Variants in PCDH9 observed in about 807,000 individuals in gnomAD.
PCDH9 encodes the protein protocadherin 9, also known as protocadherin-9.
Under a neutral mutation model 70.6 loss-of-function variants are expected in PCDH9, and 24 were observed. The observed-to-expected ratio is 0.34, with a 90% CI of 0.25 to 0.48. The LOEUF (loss-of-function observed/expected upper bound fraction) is 0.48, where lower values mean the gene tolerates loss of function less well. Among genes scored for constraint, PCDH9 ranks in the 20% least tolerant of loss-of-function variants. The probability of loss-of-function intolerance (pLI) is 0.99; values close to 1 mark genes in which losing one functional copy is unlikely to be tolerated. For synonymous variants in PCDH9, 562 were observed against 558.5 expected, an observed-to-expected ratio of 1.01 and a Z score of -0.09; for missense variants, 1,281 against 1,503.6, an observed-to-expected ratio of 0.85 and a Z score of 2.45.
chr13:66,614,604 C>T (rs568102087), intron 4 of PCDH9, among the ~76,000 whole-genome samples: 5 of 152,216 alleles, frequency 3.3e-5, no homozygotes, highest in Admixed American at 2.0e-4. Flanking sequence ...AATTGTCTTC[C>T]CCGGAAGCAG....
chr13:66,794,473 TCAGTGC>T (rs2080208681), intron 3 of PCDH9, among the ~76,000 whole-genome samples: 1 of 152,208 alleles, frequency 6.6e-6, no homozygotes, highest in Admixed American at 6.5e-5. Flanking sequence ...TCTTTTTACT[TCAGTGC>T]CAGAAGCGTT....
intron 2 of PCDH9, among the ~76,000 whole-genome samples, chr13:66,918,651 T>A (rs997231184): frequency 6.6e-6 from 1 of 151,188 alleles, no homozygotes; most frequent in Admixed American, 6.6e-5. Context: ...AAGTAGAGTA[T>A]GTACTCATAA....
At chr13:66,869,111 C>T (rs1594179088) in intron 3 of PCDH9, among the ~76,000 whole-genome samples, 1 of 152,100 alleles carries the variant, frequency 6.6e-6, no homozygotes, top group Non-Finnish European at 1.5e-5. Context: ...AGTATCTTTT[C>T]TCAGTCAGTC....
intron 2 of PCDH9, among the ~76,000 whole-genome samples, chr13:67,027,880 T>C (rs961723612): frequency 1.4e-4 from 21 of 151,738 alleles, no homozygotes; most frequent in South Asian, 4.2e-4. Context: ...TACCATCTCA[T>C]ACCAGTTAGA....
intron 3 of PCDH9, among the ~76,000 whole-genome samples, chr13:66,701,593 G>T (rs536715114): frequency 6.6e-6 from 1 of 151,970 alleles, no homozygotes; most frequent in Admixed American, 6.6e-5. Context: ...TTTATTCTCA[G>T]AATAAAACCA....
chr13:66,336,452 C>T (rs984977743), intron 4 of PCDH9, among the ~76,000 whole-genome samples: 5 of 151,658 alleles, frequency 3.3e-5, no homozygotes, highest in African/African-American at 1.2e-4. Context: ...AATAACAAAG[C>T]TATCTCAATG....
chr13:67,107,105 T>C (rs779229723), intron 2 of PCDH9, among the ~76,000 whole-genome samples: 1 of 152,122 alleles, frequency 6.6e-6, no homozygotes, highest in Non-Finnish European at 1.5e-5. Context: ...TTCAAGCCCA[T>C]GTCAGCCTGA....
intron 4 of PCDH9, among the ~76,000 whole-genome samples, chr13:66,337,654 G>C (rs1382132805): frequency 3.3e-5 from 5 of 151,874 alleles, no homozygotes; most frequent in Non-Finnish European, 7.4e-5. Context: ...ATTAATGTCT[G>C]ATAATAACTT....
intron 2 of PCDH9, among the ~76,000 whole-genome samples, chr13:67,119,569 A>T (rs1244539607): frequency 6.6e-6 from 1 of 152,170 alleles, no homozygotes; most frequent in Non-Finnish European, 1.5e-5. Context: ...AGCCAAGTGG[A>T]GATGGAAAAG....
At chr13:66,776,651 C>A (rs921374534) in intron 3 of PCDH9, among the ~76,000 whole-genome samples, 51 of 152,242 alleles carry the variant, frequency 3.3e-4, no homozygotes, top group Admixed American at 8.5e-4. Context: ...AATGGAAGAA[C>A]ATTCCATGCT....
At chr13:66,438,720 T>A (rs982231444) in intron 4 of PCDH9, among the ~76,000 whole-genome samples, 1 of 152,122 alleles carries the variant, frequency 6.6e-6, no homozygotes, top group African/African-American at 2.4e-5. Context: ...ATTCAAACAT[T>A]GAAGGAGGTG....
At chr13:66,518,470 A>G (rs1959843770) in intron 4 of PCDH9, among the ~76,000 whole-genome samples, 1 of 152,130 alleles carries the variant, frequency 6.6e-6, no homozygotes, top group Non-Finnish European at 1.5e-5. Flanking sequence ...ATTTAGAAAT[A>G]ATAGCTGATT....
intron 4 of PCDH9, among the ~76,000 whole-genome samples, chr13:66,497,814 C>CT (rs763360211): frequency 0.024 from 2,655 of 111,310 alleles, 88 homozygotes; most frequent in Admixed American, 0.066. Flanking sequence ...CACACTCTTA[C>CT]TTTTTTTTTT....
chr13:66,788,006 G>A (rs9592486), intron 3 of PCDH9, among the ~76,000 whole-genome samples: 68,515 of 151,998 alleles, frequency 0.45, 16,951 homozygotes, highest in Middle Eastern at 0.61. Flanking sequence ...AGGCACAGGA[G>A]ACCTAGAGTT....
At chr13:66,849,636 A>T (rs768699320) in intron 3 of PCDH9, among the ~76,000 whole-genome samples, 7 of 151,942 alleles carry the variant, frequency 4.6e-5, no homozygotes, top group Admixed American at 2.0e-4. Context: ...GAGAATCAGT[A>T]AATCTAACAT....
chr13:66,613,993 G>A (rs1197631888), intron 4 of PCDH9, among the ~76,000 whole-genome samples: 1 of 152,152 alleles, frequency 6.6e-6, no homozygotes, highest in East Asian at 1.9e-4. Flanking sequence ...TTCACAATTG[G>A]TAAGGCCGGG....
At chr13:66,754,873 A>C (rs1162533869) in intron 3 of PCDH9, among the ~76,000 whole-genome samples, 5 of 152,176 alleles carry the variant, frequency 3.3e-5, no homozygotes, top group African/African-American at 1.2e-4. Flanking sequence ...CATAATGTTA[A>C]TAGTCTAAGG....
At chr13:66,687,364 G>A (rs374570937) in intron 3 of PCDH9, among the ~76,000 whole-genome samples, 70 of 151,824 alleles carry the variant, frequency 4.6e-4, no homozygotes, top group Non-Finnish European at 9.0e-4. Flanking sequence ...TATTTTATTT[G>A]CTTTCTCCTT....
chr13:67,116,510 C>T (rs2086778144), intron 2 of PCDH9, among the ~76,000 whole-genome samples: 1 of 152,008 alleles, frequency 6.6e-6, no homozygotes, highest in Non-Finnish European at 1.5e-5. Context: ...TAATTGTTTC[C>T]ACTCTTAGAA....
Sources: allele counts gnomAD v4.1 joint callset (sites outside exome capture counted in the v4.1 genomes callset), GRCh38; gene constraint gnomAD v4.1.1; transcripts MANE v1.5; gene names NCBI Gene and HGNC (gene_info 2026-07-23, HGNC 2026-07-21).